Variants in ERC1 observed in about 807,000 individuals in gnomAD.
The protein encoded by ERC1 is ELKS/RAB6-interacting/CAST family member 1.
ERC1 carries 56 observed loss-of-function variants against 132.0 expected under a neutral mutation model. The observed-to-expected ratio is 0.42, with a 90% CI of 0.34 to 0.53. The LOEUF (loss-of-function observed/expected upper bound fraction) is 0.53, where lower values mean the gene tolerates loss of function less well. Ranked by LOEUF, ERC1 falls within the 20% of genes least tolerant of loss-of-function variation. The pLI, the probability that ERC1 is intolerant of heterozygous loss-of-function variation, is 0.03. For missense variants in ERC1, 1,202 were observed against 1,349.9 expected (o/e 0.89, Z 1.72); for synonymous variants, 478 against 476.1 (o/e 1.00, Z -0.05).
At chr12:1,090,878 A>ATTGTTGTTGTTG (rs1565941594) in intron 3 of ERC1, among the ~76,000 whole-genome samples, 1 of 18,508 alleles carries the variant, frequency 5.4e-5, no homozygotes, top group Non-Finnish European at 1.5e-4. Flanking sequence ...TATTATTATT[A>ATTGTTGTTGTTG]TTATTATTAT....
intron 5 of ERC1, among the ~76,000 whole-genome samples, chr12:1,111,150 C>T (rs1191636845): frequency 5.3e-5 from 8 of 152,026 alleles, no homozygotes; most frequent in Non-Finnish European, 8.8e-5. Context: ...GCACTTCAGG[C>T]GTAATATGAC....
chr12:1,263,915 C>G (rs1207404887), intron 14 of ERC1, among the ~76,000 whole-genome samples: 1 of 151,976 alleles, frequency 6.6e-6, no homozygotes, highest in East Asian at 1.9e-4. Flanking sequence ...GTCTCGAACT[C>G]CTGACCTCAG....
rs1483067116 is a variant in ERC1, at chr12:1,289,901, C to T, written c.2669C>T (p.Ser890Phe). 1.2e-6 allele frequency: 2 copies of T among 1,613,804 alleles called. No homozygotes were observed. Among genetic ancestry groups the T allele is most frequent in the South Asian group, 2.2e-5 (2 of 91,072 alleles). ...AMEKVKQELE[S>F]MKAKLSSTQQ... ...GAGAAGGTAAAGCAGGAACTAGAAT[C>T]CATGAAAGCAAAGCTGTCCTCCACC... Residue 890 changes from serine (S) to phenylalanine (F), a missense_variant, in exon 15 of 19, where the codon TCC becomes TTC. Coordinates refer to ENST00000360905, the MANE Select transcript of ERC1 (RefSeq NM_178040.4).
intron 12 of ERC1, among the ~76,000 whole-genome samples, chr12:1,218,681 A>T (rs1958653475): frequency 6.6e-6 from 1 of 151,898 alleles, no homozygotes; most frequent in Admixed American, 6.6e-5. Context: ...CTTCCTTGAA[A>T]CACTGTTTTC....
chr12:1,008,889 C>T (rs181545911), intron 1 of ERC1, among the ~76,000 whole-genome samples: 107 of 152,260 alleles, frequency 7.0e-4, no homozygotes, highest in Middle Eastern at 3.4e-3. Flanking sequence ...TTCAAGTGCT[C>T]AGCACTCAGC....
intron 2 of ERC1, among the ~76,000 whole-genome samples, chr12:1,061,080 C>T (rs1160809517): frequency 2.0e-5 from 3 of 152,116 alleles, no homozygotes; most frequent in Non-Finnish European, 2.9e-5. Context: ...GTATAGTACA[C>T]TATATCACTG....
At chr12:1,454,596 G>C (rs1592160281) in intron 18 of ERC1, among the ~76,000 whole-genome samples, 1 of 152,276 alleles carries the variant, frequency 6.6e-6, no homozygotes, top group African/African-American at 2.4e-5. Context: ...GGTCAGGAGA[G>C]TTGTGCCGAC....
chr12:1,177,100 C>G (rs2369702), intron 8 of ERC1, among the ~76,000 whole-genome samples: 30,250 of 152,132 alleles, frequency 0.2, 3,577 homozygotes, highest in Non-Finnish European at 0.27. Context: ...TCACCTCTCT[C>G]AATCTTCATT....
chr12:1,403,921 G>A (rs775480316), intron 16 of ERC1, among the ~76,000 whole-genome samples: 1 of 152,040 alleles, frequency 6.6e-6, no homozygotes, highest in Non-Finnish European at 1.5e-5. Context: ...CAGATGTTTC[G>A]CTCACTTTCT....
chr12:1,117,912 A>T (rs1408466383), intron 7 of ERC1, among the ~76,000 whole-genome samples: 1 of 152,180 alleles, frequency 6.6e-6, no homozygotes. Context: ...AAAGTTATTC[A>T]TTTATAGCTT....
chr12:1,138,325 G>GTATATAATATATGTTATATAA lies in ERC1; in HGVS notation c.1570-3275_1570-3255dup, dbSNP rs1265502562. ...ATATGTTGTATATAATACATATGTTGTATATAATATATGTTATATAATATA... is the reference window on the plus strand; with the variant it reads ...ATATGTTGTATATAATACATATGTTGTATATAATATATGTTATATAATATATAATATATGTTATATAATATA... On this transcript the variant is annotated intron_variant, in intron 7 of 18. Coordinates refer to ENST00000360905, the MANE Select transcript of ERC1 (RefSeq NM_178040.4). 4.0e-5 allele frequency among the ~76,000 whole-genome samples: 5 copies of GTATATAATATATGTTATATAA among 123,774 alleles called. No homozygotes were observed. The East Asian group carries it at 8.4e-4, about 21-fold the overall frequency. 81.2% of individuals were successfully genotyped at this position (123,774 alleles called of 152,430 possible). A position where few individuals can be genotyped will look rare whatever the true frequency, so the allele number is the denominator to read the frequency against.
At chr12:1,025,458 T>C (rs1171397228) in intron 1 of ERC1, among the ~76,000 whole-genome samples, 2 of 152,194 alleles carry the variant, frequency 1.3e-5, no homozygotes, top group Non-Finnish European at 2.9e-5. Flanking sequence ...GGTATAATAC[T>C]TTGTCATTTT....
intron 2 of ERC1, among the ~76,000 whole-genome samples, chr12:1,034,550 C>T (rs938776038): frequency 2.4e-4 from 37 of 151,992 alleles, no homozygotes; most frequent in African/African-American, 7.7e-4. Context: ...TCAGATTATA[C>T]GTGTGTGTGT....
chr12:1,326,166 G>C (rs2082430704), intron 15 of ERC1, among the ~76,000 whole-genome samples: 2 of 152,120 alleles, frequency 1.3e-5, no homozygotes, highest in Non-Finnish European at 2.9e-5. Flanking sequence ...AAGTAAGGTA[G>C]AAAAATCCTC....
intron 17 of ERC1, among the ~76,000 whole-genome samples, chr12:1,426,102 A>ATTT (rs200517286): frequency 7.2e-6 from 1 of 138,712 alleles, no homozygotes. Flanking sequence ...GAGTTTTTAG[A>ATTT]TTTTTTTTTT....
intron 15 of ERC1, among the ~76,000 whole-genome samples, chr12:1,369,328 C>T (rs2086957203): frequency 1.3e-5 from 2 of 152,134 alleles, no homozygotes; most frequent in South Asian, 2.1e-4. Flanking sequence ...CAAGAAGCTT[C>T]AACAATATGG....
At chr12:1,438,771 T>A (rs566158096) in intron 17 of ERC1, among the ~76,000 whole-genome samples, 1 of 152,020 alleles carries the variant, frequency 6.6e-6, no homozygotes, top group South Asian at 2.1e-4. Flanking sequence ...GTGAGACCCT[T>A]TCTCTACAAT....
intron 1 of ERC1, among the ~76,000 whole-genome samples, chr12:1,012,750 G>A (rs560733879): frequency 2.2e-4 from 33 of 152,164 alleles, no homozygotes; most frequent in African/African-American, 7.9e-4. Context: ...CACTGCTCCC[G>A]GCTGATATTT....
At chr12:1,094,294 C>G (rs950039834) in intron 3 of ERC1, among the ~76,000 whole-genome samples, 2 of 151,730 alleles carry the variant, frequency 1.3e-5, no homozygotes, top group Admixed American at 6.6e-5. Context: ...GCTGGGACAA[C>G]AGGCATGAGC....
Sources: allele counts gnomAD v4.1 joint callset (sites outside exome capture counted in the v4.1 genomes callset), GRCh38; gene constraint gnomAD v4.1.1; transcripts MANE v1.5; gene names NCBI Gene and HGNC (gene_info 2026-07-23, HGNC 2026-07-21).